NHSL2: variants seen among roughly 807,000 people sequenced by gnomAD.
The protein encoded by NHSL2 is NHS like 2, also known as NHS-like protein 2.
NHSL2 carries 27 observed loss-of-function variants against 53.4 expected under a neutral mutation model. That is an observed-to-expected ratio of 0.51 (90% CI 0.37 to 0.70). The LOEUF is 0.70. NHSL2 is among the 30% of genes least tolerant of loss of function. NHSL2 has a pLI of 0.00. For missense variants in NHSL2, 892 were observed against 980.1 expected, an observed-to-expected ratio of 0.91 and a Z score of 1.20; for synonymous variants, 408 against 404.1, an observed-to-expected ratio of 1.01 and a Z score of -0.12.
intron 1 of NHSL2, among the ~76,000 whole-genome samples, chrX:71,943,002 G>C (rs906821415): frequency 9.6e-5 from 10 of 103,640 alleles, no homozygotes; most frequent in African/African-American, 3.2e-4. Context: ...GTGTGTGTGT[G>C]TGTGTCTTTC....
intron 4 of NHSL2, 100 bp downstream of exon 4, chrX:72,134,804 T>A: frequency 1.6e-6 from 1 of 631,994 alleles, no homozygotes; most frequent in Non-Finnish European, 2.4e-6. Context: ...TGAGACTTTC[T>A]TTGCTACCGG....
chrX:71,945,129 G>C (rs1490348271), intron 1 of NHSL2, among the ~76,000 whole-genome samples: 8 of 112,113 alleles, frequency 7.1e-5, no homozygotes, highest in Non-Finnish European at 1.5e-4. Flanking sequence ...GCAGTTGGGG[G>C]GGTCATCCGT....
intron 1 of NHSL2, among the ~76,000 whole-genome samples, chrX:71,927,618 G>A (rs1486345904): frequency 9.1e-6 from 1 of 109,743 alleles, no homozygotes; most frequent in Non-Finnish European, 1.9e-5. Flanking sequence ...GGGCAGCAGC[G>A]CAATCTCAGC....
At chrX:72,131,543 C>T (rs764413186) in intron 1 of NHSL2, 9 of 1,174,955 alleles carry the variant, frequency 7.7e-6, no homozygotes, top group Non-Finnish European at 1.0e-5. Flanking sequence ...TCAGACATCT[C>T]GACAAGCCCA....
At chrX:72,084,999 G>A (rs750674483) in intron 1 of NHSL2, among the ~76,000 whole-genome samples, 10 of 112,393 alleles carry the variant, frequency 8.9e-5, no homozygotes, top group Non-Finnish European at 1.7e-4. Context: ...GTGATGTGAT[G>A]TGTACCTGTG....
intron 1 of NHSL2, among the ~76,000 whole-genome samples, chrX:72,113,991 T>C (rs949894610): frequency 3.6e-5 from 4 of 112,065 alleles, no homozygotes; most frequent in Admixed American, 2.8e-4. Context: ...CCCATTCTCA[T>C]AGGGAGGCTG....
intron 1 of NHSL2, among the ~76,000 whole-genome samples, chrX:71,922,547 C>T (rs746368907): frequency 6.2e-5 from 7 of 112,083 alleles, no homozygotes; most frequent in South Asian, 3.8e-4. Context: ...AGAGGTGGCA[C>T]GGGCCTGTAG....
rs1474500955 is a variant in NHSL2, at chrX:72,143,419, G to T, written c.3523G>T (p.Asp1175Tyr). Residue 1175 changes from aspartate to tyrosine, a missense_variant, in exon 8 of 8, where the codon GAT becomes TAT. Coordinates refer to ENST00000633930, the MANE Select transcript of NHSL2 (RefSeq NM_001013627.3). ...CAACCTAGATGCTGGCAGAAATGAC[G>T]ATTTCAAGGCCTTGCTACAGAAGAA... is the stretch of plus-strand genomic sequence containing the variant. ...SANLDAGRNDDFKALLQKKGS... is the reference protein window; with the variant it reads ...SANLDAGRNDYFKALLQKKGS... 1.7e-6 allele frequency: 2 copies of T among 1,167,580 alleles called. No homozygotes were observed. Among genetic ancestry groups the T allele is most frequent in the Non-Finnish European group, 2.3e-6 (2 of 872,904 alleles).
At chrX:71,967,354 A>G (rs187098035) in intron 1 of NHSL2, among the ~76,000 whole-genome samples, 154 of 110,472 alleles carry the variant, frequency 1.4e-3, no homozygotes, top group African/African-American at 4.9e-3. Flanking sequence ...TTTTTCTTCT[A>G]TTTTCCAAAG....
intron 1 of NHSL2, among the ~76,000 whole-genome samples, chrX:71,922,921 G>A (rs1209150574): frequency 2.7e-5 from 3 of 112,072 alleles, no homozygotes; most frequent in Non-Finnish European, 5.6e-5. Context: ...TGCCTGTTGC[G>A]AAATAGCCCA....
intron 1 of NHSL2, among the ~76,000 whole-genome samples, chrX:72,036,557 G>A (rs1473800146): frequency 8.9e-6 from 1 of 112,300 alleles, no homozygotes. Flanking sequence ...CCTTTCATTA[G>A]TCAAATACCT....
chrX:71,932,434 A>T (rs1171978152), intron 1 of NHSL2, among the ~76,000 whole-genome samples: 19 of 110,880 alleles, frequency 1.7e-4, no homozygotes, highest in Admixed American at 4.8e-4. Flanking sequence ...TCTGATTTTG[A>T]TTTCAAAATG....
chrX:72,045,620 C>G lies in NHSL2; in HGVS notation c.281-86459C>G, dbSNP rs575737898. 6.6e-4 allele frequency among the ~76,000 whole-genome samples: 74 copies of G among 112,119 alleles called. No individual in the cohort carries two copies. The South Asian group carries it at 0.026, about 40-fold the overall frequency. On this transcript the variant is annotated intron_variant, in intron 1 of 7. Coordinates refer to ENST00000633930, the MANE Select transcript of NHSL2 (RefSeq NM_001013627.3). ...ACCACTTTCTGAGGAGGGAACCCCC[C>G]AGTCCCCGGTCAGACTGGATTCACT... is the stretch of plus-strand genomic sequence containing the variant.
At chrX:72,142,878 A>G (rs140055390) in intron 7 of NHSL2, among the ~76,000 whole-genome samples, 146 of 111,985 alleles carry the variant, frequency 1.3e-3, no homozygotes, top group African/African-American at 4.5e-3. Context: ...TTCAGTGACA[A>G]GAAAACTGGG....
rs746407498 is a variant in NHSL2 at position 72,140,232 on chromosome X, A to G, written c.2684A>G (p.Tyr895Cys). Residue 895 changes from tyrosine (Y) to cysteine (C), a missense_variant, in exon 6 of 8, where the codon TAT becomes TGT. Coordinates refer to ENST00000633930, the MANE Select transcript of NHSL2 (RefSeq NM_001013627.3). ...VHKPPSVPEE[Y>C]ALTSPTLAMP... ...AAGCCACCATCTGTTCCTGAGGAGT[A>G]TGCACTAACTTCACCAACCTTGGCT... is the stretch of plus-strand genomic sequence containing the variant. 7 of 1,210,184 alleles carry G rather than the reference A, an allele frequency of 5.8e-6. No individual in the cohort carries two copies. The South Asian group carries it at 7.0e-5, about 12-fold the overall frequency.
intron 1 of NHSL2, among the ~76,000 whole-genome samples, chrX:72,034,415 G>A (rs1436361286): frequency 9.0e-6 from 1 of 111,670 alleles, no homozygotes; most frequent in African/African-American, 3.3e-5. Flanking sequence ...TTTTTGTCTA[G>A]TTAGGTATCA....
Position 72,055,277 on chromosome X carries a change from C to T in NHSL2, c.281-76802C>T, listed in dbSNP as rs774861325. Among the ~76,000 whole-genome samples the T allele has an allele frequency of 9.8e-5, 11 of 112,299 alleles. No individual in the cohort carries two copies. In the East Asian group the frequency reaches 1.4e-3, roughly 14 times the overall value. On this transcript the variant is annotated intron_variant, in intron 1 of 7. Transcript: ENST00000633930. ...CCGAGTTCCCCAGCAACCGCCAGGC[C>T]GGGCTTGCTGCATCTTCTCCATCAC... is the stretch of plus-strand genomic sequence containing the variant.
Position 71,911,399 on chromosome X carries a change from C to G in NHSL2, c.280+32C>G. ...ACGGCGCCCCGGTGGCTCGCGGCCCCGCGTCTACCCCGCCTCTAGGGGCGC... is the reference window on the plus strand; with the variant it reads ...ACGGCGCCCCGGTGGCTCGCGGCCCGGCGTCTACCCCGCCTCTAGGGGCGC... On this transcript the variant is annotated intron_variant, in intron 1 of 7. Coordinates refer to ENST00000633930, the MANE Select transcript of NHSL2 (RefSeq NM_001013627.3). 3 of 1,027,484 alleles carry G rather than the reference C, an allele frequency of 2.9e-6. 1 individual carries two copies. The highest frequency in any genetic ancestry group is 5.6e-5 in the South Asian group (2 of 35,462). The allele number at this position is 1,027,484 out of a possible 1,213,427, so 84.7% of individuals were successfully genotyped here. A position where few individuals can be genotyped will look rare whatever the true frequency, so the allele number is the denominator to read the frequency against.
intron 1 of NHSL2, among the ~76,000 whole-genome samples, chrX:72,078,499 G>A (rs2041762764): frequency 9.0e-6 from 1 of 111,376 alleles, no homozygotes; most frequent in African/African-American, 3.3e-5. Context: ...ACAAACATCT[G>A]ACTCCCTTCT....
Sources: allele counts gnomAD v4.1 joint callset (sites outside exome capture counted in the v4.1 genomes callset), GRCh38; gene constraint gnomAD v4.1.1; transcripts MANE v1.5; gene names NCBI Gene and HGNC (gene_info 2026-07-23, HGNC 2026-07-21).